EFCAB5: variants seen among roughly 807,000 people sequenced by gnomAD.
EFCAB5 encodes the protein EF-hand calcium binding domain 5.
EFCAB5 carries 131 observed loss-of-function variants against 167.9 expected under a neutral mutation model. The observed-to-expected ratio is 0.78, with a 90% CI of 0.68 to 0.90. The LOEUF (loss-of-function observed/expected upper bound fraction) is 0.90. EFCAB5 is among the 40% of genes least tolerant of loss of function. The pLI is 0.00. For missense variants in EFCAB5, 1,663 were observed against 1,745.2 expected (o/e 0.95, Z 0.84); for synonymous variants, 574 against 602.8 (o/e 0.95, Z 0.70).
intron 3 of EFCAB5, among the ~76,000 whole-genome samples, chr17:29,951,763 T>C (rs933616382): frequency 5.3e-5 from 8 of 152,104 alleles, no homozygotes; most frequent in Admixed American, 1.3e-4. Flanking sequence ...GCTGTTCCAG[T>C]CACAAACAGT....
chr17:30,097,568 C>T (rs971109910), intron 22 of EFCAB5, among the ~76,000 whole-genome samples: 4 of 152,210 alleles, frequency 2.6e-5, no homozygotes, highest in African/African-American at 9.7e-5. Context: ...CCTTATCAGT[C>T]AATTTCCTCT....
intron 3 of EFCAB5, among the ~76,000 whole-genome samples, chr17:29,961,863 C>T (rs1419021703): frequency 6.6e-6 from 1 of 152,156 alleles, no homozygotes; most frequent in Non-Finnish European, 1.5e-5. Context: ...GTTTTCAGTT[C>T]ATTTTTGTAT....
At chr17:30,044,483 C>G (rs773353725) in intron 8 of EFCAB5, among the ~76,000 whole-genome samples, 6 of 151,692 alleles carry the variant, frequency 4.0e-5, no homozygotes, top group Admixed American at 6.6e-5. Context: ...GGCTGAGGCA[C>G]GAGAATCGCT....
In EFCAB5 at chr17:30,080,147, A is replaced by G; in HGVS notation, c.3103A>G (p.Lys1035Glu). 2 of 1,613,936 alleles carry G rather than the reference A, an allele frequency of 1.2e-6. No individual in the cohort carries two copies. The highest frequency in any genetic ancestry group is 1.7e-6 in the Non-Finnish European group (2 of 1,179,842). The part of the protein sequence containing the change: ...LLEENLLLPE[K>E]GNVLLRNVAC... The stretch of plus-strand genomic sequence containing the variant: ...AGAAGAAAACCTACTACTGCCTGAG[A>G]AAGGGAATGTTCTATTGAGGAATGT... The change falls in exon 16 of 23, where the codon AAA becomes GAA. Residue 1035 changes from lysine to glutamate, a missense_variant. Coordinates refer to ENST00000394835, the MANE Select transcript of EFCAB5 (RefSeq NM_198529.4).
chr17:29,937,514 C>T (rs543870548), upstream of EFCAB5, among the ~76,000 whole-genome samples: 23 of 152,192 alleles, frequency 1.5e-4, no homozygotes, highest in South Asian at 4.1e-3. Context: ...AGATCTTTAC[C>T]GGTTTCATTA....
chr17:30,024,357 C>T (rs1166864581), intron 7 of EFCAB5, among the ~76,000 whole-genome samples: 1 of 152,058 alleles, frequency 6.6e-6, no homozygotes, highest in African/African-American at 2.4e-5. Flanking sequence ...AATCAATGTA[C>T]AAAAATAACA....
At chr17:30,060,875 T>C (rs2070406891) in intron 14 of EFCAB5, among the ~76,000 whole-genome samples, 1 of 152,230 alleles carries the variant, frequency 6.6e-6, no homozygotes, top group Non-Finnish European at 1.5e-5. Flanking sequence ...ATACTGGATC[T>C]TCACTAAATG....
chr17:30,086,459 G>A (rs1239347421), intron 18 of EFCAB5, among the ~76,000 whole-genome samples: 1 of 152,108 alleles, frequency 6.6e-6, no homozygotes, highest in African/African-American at 2.4e-5. Flanking sequence ...AGTGAAGAAA[G>A]TAAATTGGCC....
chr17:29,931,166 G>A (rs2067188319), intron 1 of EFCAB5, among the ~76,000 whole-genome samples: 2 of 152,200 alleles, frequency 1.3e-5, no homozygotes, highest in African/African-American at 2.4e-5. Flanking sequence ...AAGAAAGAGA[G>A]TTGACAAGGC....
At chr17:30,083,603 C>G (rs542130387) in intron 18 of EFCAB5, among the ~76,000 whole-genome samples, 2 of 152,180 alleles carry the variant, frequency 1.3e-5, no homozygotes, top group African/African-American at 4.8e-5. Flanking sequence ...TACAGGCATG[C>G]GCCACCACGC....
Position 30,078,719 on chromosome 17 carries a change from G to GGTAGAAAAGACAGAT in EFCAB5, c.3027+226_3027+240dup, listed in dbSNP as rs1440530802. ...TGACAAGATAGAAGCAGAGGAGAAAGGTAGAAAAGACAGATGTAGAAAAGA... is the reference window on the plus strand; with the variant it reads ...TGACAAGATAGAAGCAGAGGAGAAAGGTAGAAAAGACAGATGTAGAAAAGACAGATGTAGAAAAGA... On this transcript the variant is annotated intron_variant, in intron 15 of 22. Transcript: ENST00000394835. Among the ~76,000 whole-genome samples, 9 of 152,216 alleles carry GGTAGAAAAGACAGAT rather than the reference G, an allele frequency of 5.9e-5. No homozygotes were observed. The East Asian group carries it at 1.5e-3, about 26-fold the overall frequency.
chr17:29,999,128 T>A (rs1300950149), intron 6 of EFCAB5, among the ~76,000 whole-genome samples: 1 of 152,088 alleles, frequency 6.6e-6, no homozygotes, highest in African/African-American at 2.4e-5. Flanking sequence ...ACTATACACA[T>A]TCTGTGGGTT....
chr17:29,942,090 AC>A (rs1462381444), intron 1 of EFCAB5, 149 bp from the exon 2 acceptor site: 3 of 757,022 alleles, frequency 4.0e-6, no homozygotes, highest in Non-Finnish European at 6.3e-6. Flanking sequence ...ATTTGTTGAT[AC>A]AACTACTTTG....
intron 7 of EFCAB5, among the ~76,000 whole-genome samples, chr17:30,033,542 A>G (rs1009131255): frequency 2.4e-4 from 37 of 152,220 alleles, no homozygotes; most frequent in African/African-American, 8.9e-4. Context: ...ACTGATGGTG[A>G]GGCTGAGAAG....
Position 30,034,371 on chromosome 17 carries a change from T to G in EFCAB5, c.1186T>G (p.Cys396Gly), listed in dbSNP as rs140357056. ...RQMFAELFLH[C>G]DHGKVGFLDR... ...GATGTTCGCTGAACTCTTCCTACAT[T>G]GTGACCACGGGAAGGTGGGTTAAGA... Residue 396 changes from cysteine (C) to glycine (G), a missense_variant, in exon 8 of 23, where the codon TGT becomes GGT. Coordinates refer to ENST00000394835, the MANE Select transcript of EFCAB5 (RefSeq NM_198529.4). The G allele has an allele frequency of 3.1e-5, 49 of 1,602,012 alleles. No homozygotes were observed. In the East Asian group the frequency reaches 1.1e-3, roughly 34 times the overall value.
At chr17:30,056,177 T>G (rs769890579) in intron 12 of EFCAB5, 21 bp downstream of exon 12, 7 of 1,584,430 alleles carry the variant, frequency 4.4e-6, no homozygotes, top group Non-Finnish European at 6.0e-6. Flanking sequence ...ACAATGAAAG[T>G]AGGAATAGAT....
At chr17:29,975,027 A>AAAAT (rs564610853) in intron 4 of EFCAB5, among the ~76,000 whole-genome samples, 5,687 of 151,538 alleles carry the variant, frequency 0.038, 140 homozygotes, top group African/African-American at 0.06. Flanking sequence ...CCCTATCTCT[A>AAAAT]AAATAAATAA....
chr17:30,035,832 A>G (rs956813606), intron 8 of EFCAB5, among the ~76,000 whole-genome samples: 2 of 151,922 alleles, frequency 1.3e-5, no homozygotes, highest in East Asian at 1.9e-4. Flanking sequence ...TGATCTTCTC[A>G]TATCTGTTGC....
intron 8 of EFCAB5, among the ~76,000 whole-genome samples, chr17:30,050,749 A>T (rs1013447603): frequency 2.8e-4 from 43 of 152,352 alleles, no homozygotes; most frequent in African/African-American, 1.2e-4. Context: ...AATCAAAAAA[A>T]TTTTTTAAAA....
Sources: allele counts gnomAD v4.1 joint callset (sites outside exome capture counted in the v4.1 genomes callset), GRCh38; gene constraint gnomAD v4.1.1; transcripts MANE v1.5; gene names NCBI Gene and HGNC (gene_info 2026-07-23, HGNC 2026-07-21).